The following CHD9 variants were observed in gnomAD, a reference collection of about 807,000 sequenced individuals.
CHD9 encodes the protein ATP-dependent chromatin remodeler CHD9.
CHD9 carries 77 observed loss-of-function variants against 316.1 expected under a neutral mutation model. That is an observed-to-expected ratio of 0.24 (90% CI 0.20 to 0.29). The LOEUF is 0.29. Among genes scored for constraint, CHD9 ranks in the 10% least tolerant of loss-of-function variants. The probability of loss-of-function intolerance (pLI) is 1.00; values close to 1 mark genes in which losing one functional copy is unlikely to be tolerated. For missense variants in CHD9, 2,763 were observed against 3,438.1 expected (o/e 0.80, Z 4.91); for synonymous variants, 1,129 against 1,158.3 (o/e 0.97, Z 0.51).
At chr16:53,208,305 T>C (rs1463893388) in intron 2 of CHD9, 1 of 1,279,390 alleles carries the variant, frequency 7.8e-7, no homozygotes, top group Admixed American at 2.4e-5. Flanking sequence ...CAAGCCTTTG[T>C]CTGACGCCAA....
At chr16:53,252,697 GAAAA>G (rs74199598) in intron 17 of CHD9, among the ~76,000 whole-genome samples, 1 of 76,812 alleles carries the variant, frequency 1.3e-5, no homozygotes, top group Non-Finnish European at 2.7e-5. Context: ...ACTCAAATCA[GAAAA>G]AAAAAAAAAA....
intron 1 of CHD9, among the ~76,000 whole-genome samples, chr16:53,145,719 G>C (rs2040521568): frequency 6.6e-6 from 1 of 151,650 alleles, no homozygotes; most frequent in Admixed American, 6.6e-5. Flanking sequence ...AAAAAAAATT[G>C]GGTCACAGTT....
intron 18 of CHD9, among the ~76,000 whole-genome samples, chr16:53,255,324 A>T (rs1471730385): frequency 6.6e-6 from 1 of 152,168 alleles, no homozygotes; most frequent in Non-Finnish European, 1.5e-5. Context: ...GAAAAAAAAT[A>T]AAAAATAAAG....
chr16:53,149,705 C>T (rs2040932084), intron 1 of CHD9, among the ~76,000 whole-genome samples: 1 of 140,906 alleles, frequency 7.1e-6, no homozygotes, highest in African/African-American at 2.6e-5. Context: ...TGCACCATCA[C>T]ACTGGCTAAT....
At chr16:53,305,322 A>T (rs1359480855) in intron 31 of CHD9, among the ~76,000 whole-genome samples, 2 of 152,148 alleles carry the variant, frequency 1.3e-5, no homozygotes, top group African/African-American at 4.8e-5. Context: ...TAGCCTCCCA[A>T]AGTGCTGGGA....
intron 2 of CHD9, among the ~76,000 whole-genome samples, chr16:53,193,292 C>CA (rs1399117719): frequency 2.6e-5 from 4 of 151,560 alleles, no homozygotes; most frequent in Non-Finnish European, 5.9e-5. Context: ...ACTAAAAATA[C>CA]AAAAAAATTA....
At chr16:53,318,501 T>C (rs1389317743) in intron 37 of CHD9, among the ~76,000 whole-genome samples, 161 bp downstream of exon 37, 1 of 152,254 alleles carries the variant, frequency 6.6e-6, no homozygotes, top group Non-Finnish European at 1.5e-5. Flanking sequence ...TTATGCAGTC[T>C]AATTTCAAAT....
chr16:53,072,312 C>T (rs1452430537), intron 1 of CHD9, among the ~76,000 whole-genome samples: 1 of 121,308 alleles, frequency 8.2e-6, no homozygotes, highest in East Asian at 2.1e-4. Context: ...GGAAGGAAAG[C>T]CATAAGTCTT....
chr16:53,292,895 T>C lies in CHD9; in HGVS notation c.5353T>C (p.Leu1785=). 6.2e-7 allele frequency: 1 copy of C among 1,613,928 alleles called. No individual in the cohort carries two copies. The highest frequency in any genetic ancestry group is 8.5e-7 in the Non-Finnish European group (1 of 1,179,870). Reference sequence around the variant, plus strand: ...TACTCAATCAGCTTTAACCACACGTTTGAGGCGTCTCATCACTGCATACCA... The same window carrying C: ...TACTCAATCAGCTTTAACCACACGTCTGAGGCGTCTCATCACTGCATACCA... ...WPTQSALTTR[L]RRLITAYQRT... is the part of the protein sequence containing the mutation. The change falls in exon 29 of 39, where the codon TTG becomes CTG. Residue 1785 remains leucine (L), a synonymous_variant. Transcript: ENST00000447540.
At chr16:53,310,510 G>A (rs1472042418) in intron 34 of CHD9, among the ~76,000 whole-genome samples, 2 of 152,030 alleles carry the variant, frequency 1.3e-5, no homozygotes, top group East Asian at 3.9e-4. Context: ...TATAGCTTTT[G>A]CCTGTAAGTC....
rs938236876 is a variant in CHD9 at position 53,273,670 on chromosome 16, A to G, written c.4762A>G (p.Lys1588Glu). ...CAGGGGTCGAAAAGGGAAGAAAGTA[A>G]AAACTCAAACAAGCTCATTTGATAT... is the stretch of plus-strand genomic sequence containing the variant. Reference protein sequence around the residue: ...VPRGRKGKKVKTQTSSFDIQK... With the variant: ...VPRGRKGKKVETQTSSFDIQK... The change falls in exon 23 of 39, where the codon AAA (lysine) becomes GAA (glutamate). Residue 1588 changes from lysine (K) to glutamate (E), a missense_variant. Physicochemically the swap from Lys to Glu is moderately conservative, Grantham distance 56. Around this residue, in one of 15 missense-constraint regions of CHD9, gnomAD observed 99 missense variants for 131.6 expected, o/e 0.75. Coordinates refer to ENST00000447540, the MANE Select transcript of CHD9 (RefSeq NM_001308319.2). 1 of 1,613,126 alleles carries G rather than the reference A, an allele frequency of 6.2e-7. No individual in the cohort carries two copies. The highest frequency in any genetic ancestry group is 8.5e-7 in the Non-Finnish European group (1 of 1,179,376).
intron 2 of CHD9, among the ~76,000 whole-genome samples, chr16:53,163,102 C>T (rs934838546): frequency 4.6e-5 from 7 of 152,128 alleles, no homozygotes; most frequent in African/African-American, 7.2e-5. Flanking sequence ...AAGAATAAGT[C>T]GTTTGTAATA....
chr16:53,267,597 T>G, intron 21 of CHD9, 107 bp downstream of exon 21: 1 of 821,186 alleles, frequency 1.2e-6, no homozygotes. Flanking sequence ...ATCATTAAAA[T>G]TTACTTTTAA....
At chr16:53,191,256 C>T (rs1341891298) in intron 2 of CHD9, among the ~76,000 whole-genome samples, 1 of 151,864 alleles carries the variant, frequency 6.6e-6, no homozygotes, top group Non-Finnish European at 1.5e-5. Context: ...ACATTTATGT[C>T]TTCTCATGTA....
intron 2 of CHD9, among the ~76,000 whole-genome samples, chr16:53,177,455 T>C (rs1004767599): frequency 6.6e-6 from 1 of 152,206 alleles, no homozygotes; most frequent in Non-Finnish European, 1.5e-5. Flanking sequence ...TAATTAATGA[T>C]GATTCCTTAC....
intron 5 of CHD9, 67 bp from the exon 6 acceptor site, chr16:53,227,329 T>A: frequency 2.0e-6 from 2 of 980,472 alleles, no homozygotes; most frequent in South Asian, 3.0e-5. Context: ...TTCATCAACA[T>A]ACAAAGTGGC....
At chr16:53,309,868 A>G (rs891246378) in intron 34 of CHD9, among the ~76,000 whole-genome samples, 2 of 152,178 alleles carry the variant, frequency 1.3e-5, no homozygotes, top group African/African-American at 4.8e-5. Flanking sequence ...TGAGAATGGT[A>G]CTCAAGATTA....
intron 10 of CHD9, among the ~76,000 whole-genome samples, chr16:53,233,712 A>G (rs1250984232): frequency 6.6e-6 from 1 of 152,136 alleles, no homozygotes; most frequent in Non-Finnish European, 1.5e-5. Flanking sequence ...TCAGTCAGGA[A>G]TATTGGCACA....
At chr16:53,273,101 A>G (rs1000760933) in intron 22 of CHD9, among the ~76,000 whole-genome samples, 1 of 152,078 alleles carries the variant, frequency 6.6e-6, no homozygotes, top group Non-Finnish European at 1.5e-5. Context: ...AAAACAAAAC[A>G]AAACAACAAA....
Sources: gnomAD v4.1 joint callset for allele counts (sites outside exome capture counted in the v4.1 genomes callset) on GRCh38, gnomAD v4.1.1 for gene constraint, gnomAD v4.1.1 regional missense constraint, MANE v1.5 for transcripts, NCBI Gene and HGNC (gene_info 2026-07-23, HGNC 2026-07-21) for gene names.